The following LRRTM4 variants were observed in gnomAD, a reference collection of about 807,000 sequenced individuals.
LRRTM4 encodes leucine rich repeat transmembrane neuronal 4.
LRRTM4 carries 25 observed loss-of-function variants against 47.6 expected under a neutral mutation model. That is an observed-to-expected ratio of 0.53 (90% CI 0.38 to 0.73). The LOEUF is 0.73. Ranked by LOEUF, LRRTM4 falls within the 30% of genes least tolerant of loss-of-function variation. LRRTM4 has a pLI of 0.00. For missense variants in LRRTM4, 638 were observed against 713.4 expected, an observed-to-expected ratio of 0.89 and a Z score of 1.20; for synonymous variants, 311 against 269.5, an observed-to-expected ratio of 1.15 and a Z score of -1.51.
chr2:76,748,842 CTG>C lies in LRRTM4; in HGVS notation c.1624_1625del (p.Gln542AlafsTer9). The C allele has an allele frequency of 5.6e-6, 9 of 1,613,998 alleles. No homozygotes were observed. The highest frequency in any genetic ancestry group is 7.6e-6 in the Non-Finnish European group (9 of 1,179,894). ...QPVIGYCQAH[Q>X]PLHVTKGYET... The stretch of plus-strand genomic sequence containing the variant: ...CATAGCCCTTGGTGACATGGAGTGG[CTG>C]GTGGGCCTGGCAGTACCCGATCACA... On this transcript the variant is annotated frameshift_variant, in exon 4 of 4. Transcript: ENST00000409884. LOFTEE classifies it high-confidence loss of function.
chr2:77,044,000 A>T (rs1573492201), intron 3 of LRRTM4, among the ~76,000 whole-genome samples: 1 of 151,742 alleles, frequency 6.6e-6, no homozygotes, highest in Non-Finnish European at 1.5e-5. Context: ...ATGCTCCCAT[A>T]TGGAGGATTT....
rs797010446 is a variant in LRRTM4 at position 76,968,383 on chromosome 2, T to TATATATAC, written c.1552-219468_1552-219467insGTATATAT. On this transcript the variant is annotated intron_variant, in intron 3 of 3. Coordinates refer to ENST00000409884, the MANE Select transcript of LRRTM4 (RefSeq NM_001134745.3). ...ATATATATATATATATATATATATA[T>TATATATAC]ACACATACATACATACATATATATG... Among the ~76,000 whole-genome samples the TATATATAC allele has an allele frequency of 1.7e-3, 190 of 111,322 alleles. 1 individual carries two copies. The highest frequency in any genetic ancestry group is 8.3e-3 in the East Asian group (25 of 3,004). 73.0% of individuals were successfully genotyped at this position (111,322 alleles called of 152,430 possible). A position where few individuals can be genotyped will look rare whatever the true frequency, so the allele number is the denominator to read the frequency against.
intron 3 of LRRTM4, among the ~76,000 whole-genome samples, chr2:77,219,133 A>C (rs72809122): frequency 0.049 from 7,469 of 152,278 alleles, 246 homozygotes; most frequent in Non-Finnish European, 0.076. Context: ...AGGCAAGAAC[A>C]ATCCTGCAAT....
At chr2:76,778,270 C>T (rs1375564164) in intron 3 of LRRTM4, among the ~76,000 whole-genome samples, 4 of 142,430 alleles carry the variant, frequency 2.8e-5, no homozygotes, top group African/African-American at 5.5e-5. Context: ...TGATGCTGGC[C>T]TCATAAAATG....
At chr2:77,235,513 T>C (rs1027650210) in intron 3 of LRRTM4, among the ~76,000 whole-genome samples, 4 of 152,294 alleles carry the variant, frequency 2.6e-5, no homozygotes, top group East Asian at 1.9e-4. Context: ...AAAACCTCTT[T>C]AGTTTAATTA....
chr2:76,868,639 C>G (rs1049669213), intron 3 of LRRTM4, among the ~76,000 whole-genome samples: 1 of 152,130 alleles, frequency 6.6e-6, no homozygotes. Context: ...TTCATATTGT[C>G]TAGTTCTATG....
At chr2:77,338,538 G>A (rs1164974911) in intron 3 of LRRTM4, among the ~76,000 whole-genome samples, 2 of 151,790 alleles carry the variant, frequency 1.3e-5, no homozygotes, top group African/African-American at 2.4e-5. Flanking sequence ...AAACCACAAC[G>A]AGATATCATC....
At chr2:76,919,368 C>G (rs577273339) in intron 3 of LRRTM4, among the ~76,000 whole-genome samples, 1 of 152,094 alleles carries the variant, frequency 6.6e-6, no homozygotes, top group African/African-American at 2.4e-5. Context: ...AACAACACAA[C>G]AAAATTAAAA....
At chr2:77,368,075 A>C (rs890817402) in intron 3 of LRRTM4, among the ~76,000 whole-genome samples, 1 of 151,228 alleles carries the variant, frequency 6.6e-6, no homozygotes, top group Non-Finnish European at 1.5e-5. Context: ...TTCTGCCTTA[A>C]ACCTAGATTT....
chr2:76,936,954 C>CAAA (rs56140303), intron 3 of LRRTM4, among the ~76,000 whole-genome samples: 636 of 22,666 alleles, frequency 0.028, 102 homozygotes, highest in East Asian at 0.052. Flanking sequence ...GACTCCATCT[C>CAAA]AAAAAAAAAA....
intron 3 of LRRTM4, among the ~76,000 whole-genome samples, chr2:77,072,338 T>G (rs956122758): frequency 1.3e-5 from 2 of 152,178 alleles, no homozygotes; most frequent in African/African-American, 4.8e-5. Flanking sequence ...AGCATACTTA[T>G]AAACTTATAC....
chr2:77,057,519 G>T (rs1198971000), intron 3 of LRRTM4, among the ~76,000 whole-genome samples: 1 of 152,130 alleles, frequency 6.6e-6, no homozygotes, highest in Non-Finnish European at 1.5e-5. Context: ...TGCAGCAGTG[G>T]TGAATTTTAC....
intron 3 of LRRTM4, among the ~76,000 whole-genome samples, chr2:76,792,839 C>G (rs140228521): frequency 1.2e-3 from 180 of 152,278 alleles, no homozygotes; most frequent in African/African-American, 4.1e-3. Flanking sequence ...GAAGCACATT[C>G]AAAGCAGTAA....
chr2:76,807,457 T>TATATATATATATATAC (rs1553412656), intron 3 of LRRTM4, among the ~76,000 whole-genome samples: 1 of 94,212 alleles, frequency 1.1e-5, no homozygotes, highest in Non-Finnish European at 2.0e-5. Context: ...TATATATATA[T>TATATATATATATATAC]ACATATATAT....
chr2:77,469,956 A>G (rs542310515), intron 3 of LRRTM4, among the ~76,000 whole-genome samples: 56 of 152,284 alleles, frequency 3.7e-4, no homozygotes, highest in African/African-American at 1.3e-3. Context: ...TTTTATTTAT[A>G]AAAGTGCAGT....
At chr2:76,823,582 C>T (rs1056715836) in intron 3 of LRRTM4, among the ~76,000 whole-genome samples, 3 of 150,988 alleles carry the variant, frequency 2.0e-5, no homozygotes, top group Non-Finnish European at 3.0e-5. Flanking sequence ...ATAATTTCCA[C>T]GTGAATCACA....
Position 77,265,288 on chromosome 2 carries a change from T to C in LRRTM4, c.1551+253030A>G, listed in dbSNP as rs553860873. Among the ~76,000 whole-genome samples, 14 of 152,126 alleles carry C rather than the reference T, an allele frequency of 9.2e-5. 1 individual carries two copies. Among genetic ancestry groups the C allele is most frequent in the Non-Finnish European group, 1.5e-4 (10 of 68,010 alleles). ...GAATGTGTCCCCAAAGTTCGTATGT[T>C]GTAAGCTATCCCCAATACAACAGTG... On this transcript the variant is annotated intron_variant, in intron 3 of 3. Coordinates refer to ENST00000409884, the MANE Select transcript of LRRTM4 (RefSeq NM_001134745.3).
At chr2:76,831,144 G>C (rs765483470) in intron 3 of LRRTM4, among the ~76,000 whole-genome samples, 1 of 152,034 alleles carries the variant, frequency 6.6e-6, no homozygotes, top group Non-Finnish European at 1.5e-5. Flanking sequence ...GAAATACTAA[G>C]TCATGGCTAA....
chr2:77,017,562 G>A lies in LRRTM4; in HGVS notation c.1552-268646C>T, dbSNP rs1376821389. Among the ~76,000 whole-genome samples, 4 of 152,080 alleles carry A rather than the reference G, an allele frequency of 2.6e-5. No individual in the cohort carries two copies. In the East Asian group the frequency reaches 5.8e-4, roughly 22 times the overall value. On this transcript the variant is annotated intron_variant, in intron 3 of 3. Transcript: ENST00000409884. ...TGAAAGTAGTGGCCACATCTCTCAC[G>A]TGTTTGTGTACCATCTACAGAGGAG...
Sources: allele counts gnomAD v4.1 joint callset (sites outside exome capture counted in the v4.1 genomes callset), GRCh38; gene constraint gnomAD v4.1.1; transcripts MANE v1.5; gene names NCBI Gene and HGNC (gene_info 2026-07-23, HGNC 2026-07-21).